VKORC1L1: variants seen among roughly 807,000 people sequenced by gnomAD.
VKORC1L1 encodes vitamin K epoxide reductase complex subunit 1-like protein 1.
VKORC1L1 carries 2 observed loss-of-function variants against 18.9 expected under a neutral mutation model. The observed-to-expected ratio is 0.11, with a 90% CI of 0.04 to 0.33. VKORC1L1 has a LOEUF of 0.33. Ranked by LOEUF, VKORC1L1 falls within the 10% of genes least tolerant of loss-of-function variation. The probability of loss-of-function intolerance (pLI) is 1.00; values close to 1 mark genes in which losing one functional copy is unlikely to be tolerated. For missense variants in VKORC1L1, 123 were observed against 224.1 expected (o/e 0.55, Z 2.88); for synonymous variants, 96 against 100.0 (o/e 0.96, Z 0.24).
intron 1 of VKORC1L1, among the ~76,000 whole-genome samples, chr7:65,909,630 G>A (rs1179338317): frequency 3.3e-5 from 5 of 150,704 alleles, no homozygotes; most frequent in Non-Finnish European, 7.4e-5. Context: ...TCATTTATAA[G>A]GTATTTGGTG....
chr7:65,929,992 C>T (rs535688247), intron 1 of VKORC1L1, among the ~76,000 whole-genome samples: 1 of 151,940 alleles, frequency 6.6e-6, no homozygotes, highest in Non-Finnish European at 1.5e-5. Context: ...ATAAATACTA[C>T]ACGTATTTTG....
chr7:65,920,000 A>G (rs1055945409), intron 1 of VKORC1L1, among the ~76,000 whole-genome samples: 83 of 151,890 alleles, frequency 5.5e-4, no homozygotes, highest in African/African-American at 1.9e-3. Context: ...ATCTACTGCT[A>G]CCCTTGCCCT....
chr7:65,871,668 G>A (rs1365726257), upstream of VKORC1L1, among the ~76,000 whole-genome samples: 1 of 152,192 alleles, frequency 6.6e-6, no homozygotes, highest in East Asian at 1.9e-4. Flanking sequence ...ACCAAGAGGT[G>A]CAAGTGGACA....
chr7:65,874,710 G>A (rs538917335), intron 1 of VKORC1L1, among the ~76,000 whole-genome samples: 42 of 152,194 alleles, frequency 2.8e-4, no homozygotes, highest in African/African-American at 8.2e-4. Flanking sequence ...GGAGGCTGAG[G>A]CAGGAGAATT....
At position 65,958,052 on chromosome 7, in the gene VKORC1L1, G is replaced by A. The variant is rs922867274; in HGVS notation, c.*3752G>A. ...ACCTATTTGGGGAAAAAGACCTAAT[G>A]ACCTAATATGCAATTTCTGTCCTCG... On this transcript the variant is annotated 3_prime_UTR_variant, in exon 3 of 3. Coordinates refer to ENST00000360768, the MANE Select transcript of VKORC1L1 (RefSeq NM_173517.6). 1 of 152,132 alleles carries A rather than the reference G, an allele frequency of 6.6e-6. No homozygotes were observed. Among genetic ancestry groups the A allele is most frequent in the African/African-American group, 2.4e-5 (1 of 41,416 alleles). The allele number at this position is 152,132 out of a possible 1,614,324, so 9.4% of individuals were successfully genotyped here.
intron 1 of VKORC1L1, among the ~76,000 whole-genome samples, chr7:65,878,530 G>A (rs140099989): frequency 2.2e-3 from 340 of 152,132 alleles, no homozygotes; most frequent in African/African-American, 7.4e-3. Flanking sequence ...GCCCAAGATA[G>A]CACAGGTAGT....
upstream of VKORC1L1, among the ~76,000 whole-genome samples, chr7:65,871,206 C>CT (rs1042793613): frequency 8.6e-5 from 13 of 150,406 alleles, no homozygotes; most frequent in African/African-American, 2.9e-4. Flanking sequence ...TTTTTTTCTT[C>CT]TTTTTTTGAG....
At chr7:65,942,991 A>G (rs1191002116) in intron 1 of VKORC1L1, among the ~76,000 whole-genome samples, 1 of 152,248 alleles carries the variant, frequency 6.6e-6, no homozygotes, top group Non-Finnish European at 1.5e-5. Flanking sequence ...ATATATACTG[A>G]TAGAACCAAA....
chr7:65,914,758 G>A (rs998880112), intron 1 of VKORC1L1, among the ~76,000 whole-genome samples: 1 of 152,104 alleles, frequency 6.6e-6, no homozygotes, highest in Non-Finnish European at 1.5e-5. Flanking sequence ...CCAGGACTTT[G>A]AGAGGTTGAA....
intron 1 of VKORC1L1, among the ~76,000 whole-genome samples, chr7:65,926,883 A>G (rs922377382): frequency 3.9e-5 from 6 of 152,204 alleles, no homozygotes; most frequent in Non-Finnish European, 7.3e-5. Flanking sequence ...GTTCTCACTT[A>G]TAAGTGGGAG....
Position 65,954,603 on chromosome 7 carries a change from G to A in VKORC1L1, c.*303G>A. The A allele has an allele frequency of 2.3e-6, 1 of 426,046 alleles. No homozygotes were observed. Among genetic ancestry groups the A allele is most frequent in the Admixed American group, 3.9e-5 (1 of 25,404 alleles). 26.4% of individuals were successfully genotyped at this position (426,046 alleles called of 1,614,324 possible). ...CTAGCCCCCTGCCCTCAATTGTAAA[G>A]TGAGCAACCATTGCTAGTAATTCTT... On this transcript the variant is annotated 3_prime_UTR_variant, in exon 3 of 3. Transcript: ENST00000360768.
At chr7:65,898,072 A>G (rs1789245191) in intron 1 of VKORC1L1, among the ~76,000 whole-genome samples, 1 of 136,424 alleles carries the variant, frequency 7.3e-6, no homozygotes, top group Non-Finnish European at 1.6e-5. Context: ...GTAAATTTGT[A>G]GCAGGTTTTT....
chr7:65,942,521 A>G (rs955699971), intron 1 of VKORC1L1, among the ~76,000 whole-genome samples: 2 of 149,888 alleles, frequency 1.3e-5, no homozygotes, highest in African/African-American at 2.4e-5. Context: ...GACTTGTTGA[A>G]TTTTTTTCTT....
At position 65,878,698 on chromosome 7, in the gene VKORC1L1, A is replaced by G. The variant is rs180891076; in HGVS notation, c.194+5133A>G. 7.9e-5 allele frequency among the ~76,000 whole-genome samples: 12 copies of G among 152,110 alleles called. No homozygotes were observed. In the East Asian group the frequency reaches 1.9e-3, roughly 25 times the overall value. On this transcript the variant is annotated intron_variant, in intron 1 of 2. Transcript: ENST00000360768. ...GGTGGGCGGATCACGAGGTCGGGAG[A>G]TCAAGACCATCCTGGCTAACATGGT...
Position 65,877,177 on chromosome 7 carries a change from T to C in VKORC1L1, c.194+3612T>C, listed in dbSNP as rs535432453. On this transcript the variant is annotated intron_variant, in intron 1 of 2. Coordinates refer to ENST00000360768, the MANE Select transcript of VKORC1L1 (RefSeq NM_173517.6). The stretch of plus-strand genomic sequence containing the variant: ...CATTGATTGGAGATGTTCTTTTTTT[T>C]CCAGTGTTTGATAATAAATGCCTTT... Among the ~76,000 whole-genome samples the C allele has an allele frequency of 2.6e-5, 4 of 152,336 alleles. No individual in the cohort carries two copies. The East Asian group carries it at 5.8e-4, about 22-fold the overall frequency.
intron 1 of VKORC1L1, among the ~76,000 whole-genome samples, chr7:65,876,335 T>C (rs947896018): frequency 3.7e-4 from 56 of 152,182 alleles, no homozygotes; most frequent in African/African-American, 1.3e-3. Flanking sequence ...AAACCCCGTC[T>C]CTACTAAAAA....
chr7:65,950,387 C>A (rs1324172713), intron 2 of VKORC1L1, among the ~76,000 whole-genome samples: 3 of 151,904 alleles, frequency 2.0e-5, no homozygotes, highest in Non-Finnish European at 2.9e-5. Context: ...GATCTTGTTG[C>A]ATACCAATGC....
rs750228638 is a variant in VKORC1L1 at position 65,873,377 on chromosome 7, G to A, written c.6G>A (p.Ala2=). The A allele has an allele frequency of 5.3e-6, 8 of 1,519,040 alleles. No homozygotes were observed. In the Admixed American group the frequency reaches 1.5e-4, roughly 29 times the overall value. The allele number at this position is 1,519,040 out of a possible 1,614,324, so 94.1% of individuals were successfully genotyped here. A position where few individuals can be genotyped will look rare whatever the true frequency, so the allele number is the denominator to read the frequency against. The change falls in exon 1 of 3, where the codon GCG becomes GCA. Residue 2 remains alanine, a synonymous_variant. Transcript: ENST00000360768. ...GCGGCGGCGGCGGCGGGAAGATGGC[G>A]GCTCCCGTCCTGCTAAGAGTGTCGG... is the stretch of plus-strand genomic sequence containing the variant. M[A]APVLLRVSVP...
At chr7:65,929,725 T>TA (rs1412586385) in intron 1 of VKORC1L1, among the ~76,000 whole-genome samples, 2 of 147,120 alleles carry the variant, frequency 1.4e-5, no homozygotes, top group East Asian at 4.0e-4. Context: ...ACTTTACTTT[T>TA]AAAAATTTTT....
Sources: gnomAD v4.1 joint callset for allele counts (sites outside exome capture counted in the v4.1 genomes callset) on GRCh38, gnomAD v4.1.1 for gene constraint, MANE v1.5 for transcripts, NCBI Gene and HGNC (gene_info 2026-07-23, HGNC 2026-07-21) for gene names.